Variants in NAV2 observed in about 807,000 individuals in gnomAD.
NAV2 encodes the protein neuron navigator 2.
Under a neutral mutation model 223.2 loss-of-function variants are expected in NAV2, and 54 were observed. The ratio of observed to expected loss-of-function variants is 0.24; its 90% confidence interval spans 0.19 to 0.30. The LOEUF is 0.30. NAV2 is among the 10% of genes least tolerant of loss of function. The pLI, the probability that NAV2 is intolerant of heterozygous loss-of-function variation, is 1.00. For synonymous variants in NAV2, 1,279 were observed against 1,239.3 expected, an observed-to-expected ratio of 1.03 and a Z score of -0.67; for missense variants, 2,806 against 3,147.5, an observed-to-expected ratio of 0.89 and a Z score of 2.60.
chr11:19,581,735 T>C (rs1216944926), intron 1 of NAV2, among the ~76,000 whole-genome samples: 5 of 152,242 alleles, frequency 3.3e-5, no homozygotes, highest in African/African-American at 9.6e-5. Flanking sequence ...ATGGTGTATA[T>C]GTGCCACATT....
At chr11:19,953,135 A>AT (rs796652759) in intron 10 of NAV2, among the ~76,000 whole-genome samples, 1,866 of 150,898 alleles carry the variant, frequency 0.012, 34 homozygotes, top group African/African-American at 0.04. Context: ...GTTTGAAATG[A>AT]TTTTTTTTTT....
intron 1 of NAV2, chr11:19,402,035 A>G (rs915364317): frequency 1.3e-5 from 2 of 152,214 alleles, no homozygotes; most frequent in Non-Finnish European, 2.9e-5. Context: ...CATTCCCTAC[A>G]TAAGACATTG....
chr11:19,514,643 G>A lies in NAV2; in HGVS notation c.75+163616G>A, dbSNP rs116794801. Among the ~76,000 whole-genome samples, 1,129 of 152,224 alleles carry A rather than the reference G, an allele frequency of 7.4e-3. 8 individuals are homozygous for A. The highest frequency in any genetic ancestry group is 0.012 in the Non-Finnish European group (830 of 68,016). ...AAATCCATTATGCATTTACTGCCTC[G>A]GTGGGGCTCACAAAGGAGAGAATTC... On this transcript the variant is annotated intron_variant, in intron 1 of 37. Transcript: ENST00000360655.
chr11:19,666,706 T>C (rs1369559400), intron 1 of NAV2, among the ~76,000 whole-genome samples: 1 of 152,170 alleles, frequency 6.6e-6, no homozygotes. Flanking sequence ...CCTTCATACA[T>C]GTTGCCCTTG....
intron 1 of NAV2, among the ~76,000 whole-genome samples, chr11:19,785,666 C>G (rs2057059093): frequency 1.6e-5 from 2 of 124,250 alleles, no homozygotes; most frequent in South Asian, 4.5e-4. Context: ...TTTTAAAGCA[C>G]TAATTGCAGT....
intron 1 of NAV2, among the ~76,000 whole-genome samples, chr11:19,774,057 A>G (rs1043227700): frequency 6.6e-6 from 1 of 151,892 alleles, no homozygotes; most frequent in African/African-American, 2.4e-5. Context: ...ACCCCTCTAC[A>G]CCCTTGCACA....
intron 1 of NAV2, among the ~76,000 whole-genome samples, chr11:19,831,453 T>C (rs2059938334): frequency 6.6e-6 from 1 of 152,032 alleles, no homozygotes; most frequent in Admixed American, 6.5e-5. Context: ...CACTAACCAG[T>C]TGAGGCAGGA....
rs150355936 is a variant in NAV2, at chr11:19,823,769, G to A, written c.268-8715G>A. On this transcript the variant is annotated intron_variant, in intron 1 of 37. Coordinates refer to ENST00000349880, the MANE Select transcript of NAV2 (RefSeq NM_145117.5). ...GACGTCCCTGGGGCCGGGGCCTGTC[G>A]GGGACTCGGGGGCTAGGGGAAGGAT... Among the ~76,000 whole-genome samples, 21 of 150,282 alleles carry A rather than the reference G, an allele frequency of 1.4e-4. No individual in the cohort carries two copies. The East Asian group carries it at 3.5e-3, about 25-fold the overall frequency.
At chr11:19,867,819 A>C (rs1250650349) in intron 3 of NAV2, among the ~76,000 whole-genome samples, 1 of 152,220 alleles carries the variant, frequency 6.6e-6, no homozygotes, top group Non-Finnish European at 1.5e-5. Flanking sequence ...AAGTCATAAA[A>C]TGCCAAATGT....
chr11:20,097,516 T>G, intron 30 of NAV2, 61 bp from the exon 31 acceptor site: 1 of 1,313,374 alleles, frequency 7.6e-7, no homozygotes, highest in African/African-American at 1.5e-5. Flanking sequence ...AGGGAAAACA[T>G]GAGTCATGGG....
intron 1 of NAV2, among the ~76,000 whole-genome samples, chr11:19,755,017 T>C (rs566716129): frequency 4.5e-4 from 68 of 152,260 alleles, no homozygotes; most frequent in Non-Finnish European, 7.9e-4. Flanking sequence ...AAACTACAGA[T>C]CCATTGTGTT....
chr11:19,704,246 A>T (rs1396714157), intron 1 of NAV2, among the ~76,000 whole-genome samples: 1 of 152,128 alleles, frequency 6.6e-6, no homozygotes, highest in African/African-American at 2.4e-5. Context: ...CTGGGTGACT[A>T]CCAAACCTTT....
At chr11:19,789,678 C>T (rs2057388142) in intron 1 of NAV2, among the ~76,000 whole-genome samples, 1 of 152,168 alleles carries the variant, frequency 6.6e-6, no homozygotes, top group Non-Finnish European at 1.5e-5. Context: ...ATTTCATATC[C>T]TGTGAGAATT....
intron 6 of NAV2, among the ~76,000 whole-genome samples, chr11:19,919,991 C>T (rs146957056): frequency 2.2e-3 from 332 of 152,080 alleles, no homozygotes; most frequent in African/African-American, 7.5e-3. Context: ...AAAAATTAGC[C>T]GGGCATGGTA....
chr11:19,747,912 G>A (rs1395138278), intron 1 of NAV2, among the ~76,000 whole-genome samples: 1 of 152,196 alleles, frequency 6.6e-6, no homozygotes, highest in Non-Finnish European at 1.5e-5. Flanking sequence ...ACTTGGCCAG[G>A]CTGCTAGGCC....
chr11:19,728,890 T>C (rs1182294205), intron 1 of NAV2, among the ~76,000 whole-genome samples: 1 of 152,198 alleles, frequency 6.6e-6, no homozygotes, highest in Non-Finnish European at 1.5e-5. Context: ...CATTCTTTGT[T>C]ATTAATAGCA....
rs111692688 is a variant in NAV2 at position 19,367,899 on chromosome 11, G to A, written c.75+16872G>A. Among the ~76,000 whole-genome samples the A allele has an allele frequency of 3.7e-3, 562 of 152,256 alleles. 3 individuals are homozygous for A. Among genetic ancestry groups the A allele is most frequent in the African/African-American group, 0.012 (480 of 41,538 alleles). On this transcript the variant is annotated intron_variant, in intron 1 of 37. Coordinates refer to the NAV2 transcript ENST00000360655. The stretch of plus-strand genomic sequence containing the variant: ...GAGCTGGAATAAATAACTCTTATGT[G>A]CATTCATTCATTCACTCACACATTC...
intron 1 of NAV2, among the ~76,000 whole-genome samples, chr11:19,586,856 T>C (rs1242629183): frequency 6.6e-6 from 1 of 152,194 alleles, no homozygotes; most frequent in Non-Finnish European, 1.5e-5. Context: ...GTCTGTCTGT[T>C]CTCAGATCTC....
At chr11:20,003,915 T>A (rs1289443885) in intron 11 of NAV2, among the ~76,000 whole-genome samples, 1 of 152,208 alleles carries the variant, frequency 6.6e-6, no homozygotes, top group Non-Finnish European at 1.5e-5. Flanking sequence ...CTTCTGGTTT[T>A]GTTAAATTGT....
Sources: gnomAD v4.1 joint callset for allele counts (sites outside exome capture counted in the v4.1 genomes callset) on GRCh38, gnomAD v4.1.1 for gene constraint, MANE v1.5 for transcripts, NCBI Gene and HGNC (gene_info 2026-07-23, HGNC 2026-07-21) for gene names.